DENND2B: variants seen among roughly 807,000 people sequenced by gnomAD.
DENND2B encodes the protein DENN domain containing 2B.
A neutral mutation model predicts 116.0 loss-of-function variants in DENND2B; 32 were observed. The ratio of observed to expected loss-of-function variants is 0.28; its 90% CI spans 0.21 to 0.37. The LOEUF (loss-of-function observed/expected upper bound fraction) is 0.37. DENND2B is among the 10% of genes least tolerant of loss of function. DENND2B has a pLI of 1.00. For missense variants in DENND2B, 1,276 were observed against 1,477.7 expected (o/e 0.86, Z 2.24); for synonymous variants, 588 against 583.9 (o/e 1.01, Z -0.10).
At chr11:8,728,581 G>A (rs948904402) in intron 3 of DENND2B, among the ~76,000 whole-genome samples, 2 of 52,522 alleles carry the variant, frequency 3.8e-5, no homozygotes, top group African/African-American at 8.3e-5. Flanking sequence ...AAACCTTCAG[G>A]CTGATGAACT....
chr11:8,850,064 G>A (rs1210837765), intron 3 of DENND2B, among the ~76,000 whole-genome samples: 1 of 152,142 alleles, frequency 6.6e-6, no homozygotes, highest in Non-Finnish European at 1.5e-5. Flanking sequence ...GAGCCAAGGA[G>A]GTCAAGGCTG....
rs2043920792 is a variant in DENND2B, at chr11:8,712,413, G to C, written c.2172+138C>G. 1 of 980,976 alleles carries C rather than the reference G, an allele frequency of 1.0e-6. No homozygotes were observed. Among genetic ancestry groups the C allele is most frequent in the South Asian group, 1.8e-5 (1 of 56,966 alleles). 60.8% of individuals were successfully genotyped at this position (980,976 alleles called of 1,614,324 possible). ...CAGCCCTGTCTTCCCTCCTGGCTGAGAGGAGGCAGGTTCAGGGCTGTGGCA... is the reference window on the plus strand; with the variant it reads ...CAGCCCTGTCTTCCCTCCTGGCTGACAGGAGGCAGGTTCAGGGCTGTGGCA... On this transcript the variant is annotated intron_variant, in intron 9 of 19. Coordinates refer to ENST00000313726, the MANE Select transcript of DENND2B (RefSeq NM_213618.2). The surrounding 1 kb of genome is among the most constrained non-coding windows in gnomAD (Gnocchi z 4.4).
intron 13 of DENND2B, among the ~76,000 whole-genome samples, chr11:8,705,650 A>T (rs1421652735): frequency 6.6e-6 from 1 of 151,516 alleles, no homozygotes; most frequent in African/African-American, 2.4e-5. Flanking sequence ...CCTCCTCATT[A>T]CCTGCTTCTC....
intron 3 of DENND2B, among the ~76,000 whole-genome samples, chr11:8,845,638 T>G (rs1468380217): frequency 6.6e-6 from 1 of 152,184 alleles, no homozygotes; most frequent in Non-Finnish European, 1.5e-5. Context: ...GACTATGTCT[T>G]CCTTTTGTAA....
chr11:8,899,899 TA>T (rs1223895705), intron 1 of DENND2B, among the ~76,000 whole-genome samples: 4 of 152,206 alleles, frequency 2.6e-5, no homozygotes, highest in African/African-American at 9.7e-5. Flanking sequence ...GTTGGATCTG[TA>T]ACATATATGA....
At chr11:8,905,064 G>A (rs1408874812) in intron 1 of DENND2B, among the ~76,000 whole-genome samples, 4 of 151,638 alleles carry the variant, frequency 2.6e-5, no homozygotes, top group African/African-American at 9.7e-5. Context: ...TAAATTTTAT[G>A]GAAATAATGA....
intron 1 of DENND2B, among the ~76,000 whole-genome samples, chr11:8,884,454 G>A (rs1378301040): frequency 2.0e-5 from 3 of 152,102 alleles, no homozygotes; most frequent in Non-Finnish European, 2.9e-5. Flanking sequence ...TGCCTCCCAA[G>A]TAGCTGAGAG....
chr11:8,778,922 G>A (rs761756640), intron 1 of DENND2B, among the ~76,000 whole-genome samples: 3 of 152,228 alleles, frequency 2.0e-5, no homozygotes. Flanking sequence ...CTACTTTCAC[G>A]TCTTTCCATT....
chr11:8,806,028 C>A (rs2060804843), intron 1 of DENND2B, among the ~76,000 whole-genome samples: 2 of 152,136 alleles, frequency 1.3e-5, no homozygotes, highest in Admixed American at 6.5e-5. Context: ...TCCCTGGGGG[C>A]AGTCTGGCCT....
At chr11:8,864,307 G>A (rs1346171577) in intron 2 of DENND2B, among the ~76,000 whole-genome samples, 4 of 152,148 alleles carry the variant, frequency 2.6e-5, no homozygotes, top group East Asian at 3.8e-4. Flanking sequence ...TCACTCTGTT[G>A]CTCAGGCTGG....
chr11:8,718,325 A>C (rs1368012253), intron 4 of DENND2B: 1 of 1,520,370 alleles, frequency 6.6e-7, no homozygotes, highest in South Asian at 1.2e-5. Context: ...CTGTCCCTTC[A>C]CCCAACTCTC....
At chr11:8,750,847 T>C in intron 1 of DENND2B, 122 bp from the exon 2 acceptor site, 2 of 788,182 alleles carry the variant, frequency 2.5e-6, no homozygotes, top group East Asian at 5.1e-5. Flanking sequence ...AGAAACTGCT[T>C]TCCCACTTAA....
chr11:8,802,677 C>T (rs1295914060), intron 1 of DENND2B, among the ~76,000 whole-genome samples: 1 of 152,176 alleles, frequency 6.6e-6, no homozygotes, highest in Non-Finnish European at 1.5e-5. Context: ...GAGGGGATTG[C>T]TCAGAAAACA....
intron 1 of DENND2B, among the ~76,000 whole-genome samples, chr11:8,791,432 C>A (rs1377705800): frequency 6.6e-6 from 1 of 152,102 alleles, no homozygotes. Flanking sequence ...TTTAATCTGC[C>A]TCTCTCACTA....
In DENND2B at chr11:8,712,112, A is replaced by C; in HGVS notation, c.2172+439T>G. The C allele has an allele frequency of 2.5e-6, 1 of 404,970 alleles. No individual in the cohort carries two copies. Among genetic ancestry groups the C allele is most frequent in the South Asian group, 1.7e-5 (1 of 57,254 alleles). The allele number at this position is 404,970 out of a possible 1,614,324, so 25.1% of individuals were successfully genotyped here. ...AGGGAGGCCAGGCTGGCTGGCGACA[A>C]GCAGGGAAGGCGGAGTGAGAGACAG... On this transcript the variant is annotated intron_variant, in intron 9 of 19. Coordinates refer to ENST00000313726, the MANE Select transcript of DENND2B (RefSeq NM_213618.2). The surrounding 1 kb of genome is among the most constrained non-coding windows in gnomAD (Gnocchi z 4.4).
At chr11:8,813,720 T>G (rs536629438), upstream of DENND2B, among the ~76,000 whole-genome samples, 4 of 152,272 alleles carry the variant, frequency 2.6e-5, no homozygotes, top group African/African-American at 9.6e-5. Flanking sequence ...AATCCAAACT[T>G]AAGAAGCCCT....
intron 1 of DENND2B, among the ~76,000 whole-genome samples, chr11:8,801,727 G>T: frequency 6.6e-6 from 1 of 150,378 alleles, no homozygotes; most frequent in East Asian, 1.9e-4. Context: ...CCTGAGGCTG[G>T]GTGCAGTGGC....
intron 1 of DENND2B, among the ~76,000 whole-genome samples, chr11:8,797,231 T>C (rs1273010171): frequency 6.6e-6 from 1 of 152,196 alleles, no homozygotes. Context: ...GAAATAAAAA[T>C]GCCTAGTATA....
At chr11:8,789,835 G>C (rs1428723529) in intron 1 of DENND2B, among the ~76,000 whole-genome samples, 4 of 152,138 alleles carry the variant, frequency 2.6e-5, no homozygotes, top group African/African-American at 7.2e-5. Flanking sequence ...CATGCCTGTA[G>C]TCCCAGCTAC....
Sources: allele counts gnomAD v4.1 joint callset (sites outside exome capture counted in the v4.1 genomes callset), GRCh38; gene constraint gnomAD v4.1.1; non-coding constraint Gnocchi (gnomAD v3.1); transcripts MANE v1.5; gene names NCBI Gene and HGNC (gene_info 2026-07-23, HGNC 2026-07-21).